Variants in VWC2 observed in about 807,000 individuals in gnomAD.
VWC2 encodes brorin.
A neutral mutation model predicts 29.8 loss-of-function variants in VWC2; 14 were observed. That is an observed-to-expected ratio of 0.47 (90% confidence interval 0.31 to 0.74). VWC2 has a LOEUF of 0.74. Among genes scored for constraint, VWC2 ranks in the 30% least tolerant of loss-of-function variants. The pLI, the probability that VWC2 is intolerant of heterozygous loss-of-function variation, is 0.05. For synonymous variants in VWC2, 213 were observed against 199.0 expected, an observed-to-expected ratio of 1.07 and a Z score of -0.59; for missense variants, 457 against 459.8, an observed-to-expected ratio of 0.99 and a Z score of 0.05.
At chr7:49,805,202 G>A (rs1455880101) in intron 3 of VWC2, among the ~76,000 whole-genome samples, 1 of 152,140 alleles carries the variant, frequency 6.6e-6, no homozygotes, top group African/African-American at 2.4e-5. Context: ...TTGGGAGATG[G>A]TTGTTGTCCT....
intron 3 of VWC2, among the ~76,000 whole-genome samples, chr7:49,808,118 GA>G (rs1407767560): frequency 6.6e-6 from 1 of 151,840 alleles, no homozygotes; most frequent in Non-Finnish European, 1.5e-5. Flanking sequence ...TAAAAAAATA[GA>G]AAAAAAGAAC....
rs1483390887 is a variant in VWC2 at position 49,914,167 on chromosome 7, G to A, written c.*1982G>A. On this transcript the variant is annotated 3_prime_UTR_variant, in exon 4 of 4. Coordinates refer to ENST00000340652, the MANE Select transcript of VWC2 (RefSeq NM_198570.5). The stretch of plus-strand genomic sequence containing the variant: ...AAATGGCCCTAGCCCCCATGGGTAG[G>A]TGGGCCATTAGTAACCTCTTCTCTC... 1 of 152,200 alleles carries A rather than the reference G, an allele frequency of 6.6e-6. No individual in the cohort carries two copies. The highest frequency in any genetic ancestry group is 2.4e-5 in the African/African-American group (1 of 41,464). 9.4% of individuals were successfully genotyped at this position (152,200 alleles called of 1,614,324 possible).
In VWC2 at chr7:49,783,403, G is replaced by C. The variant is rs554718239; in HGVS notation, c.696+7272G>C. 1.2e-3 allele frequency among the ~76,000 whole-genome samples: 184 copies of C among 152,194 alleles called. 1 individual carries two copies. Among genetic ancestry groups the C allele is most frequent in the African/African-American group, 3.9e-3 (164 of 41,534 alleles). ...TGATGGCTTGTTTTTAAATGACAGA[G>C]GAATCCTGGGCCAGATGTTCTAGGG... On this transcript the variant is annotated intron_variant, in intron 2 of 3. Transcript: ENST00000340652.
chr7:49,790,999 G>C (rs769608), intron 2 of VWC2, among the ~76,000 whole-genome samples: 68,738 of 151,682 alleles, frequency 0.45, 16,136 homozygotes, highest in East Asian at 0.82. Flanking sequence ...TTCTATCACT[G>C]GCCCTGTGGT....
At chr7:49,890,655 T>A (rs114234745) in intron 3 of VWC2, among the ~76,000 whole-genome samples, 1 of 151,958 alleles carries the variant, frequency 6.6e-6, no homozygotes, top group African/African-American at 2.4e-5. Flanking sequence ...TGGAACAGGG[T>A]GCATGAGAGT....
chr7:49,825,103 A>G (rs908761524), intron 3 of VWC2, among the ~76,000 whole-genome samples: 16 of 152,126 alleles, frequency 1.1e-4, no homozygotes, highest in South Asian at 4.1e-4. Flanking sequence ...CAAGTTGATT[A>G]ATTCTGTCTT....
At chr7:49,867,933 A>T (rs1375924260) in intron 3 of VWC2, among the ~76,000 whole-genome samples, 1 of 151,738 alleles carries the variant, frequency 6.6e-6, no homozygotes, top group Non-Finnish European at 1.5e-5. Flanking sequence ...TCCCAAGTTC[A>T]AGCAATTCTC....
At chr7:49,798,040 G>C (rs190063800) in intron 2 of VWC2, among the ~76,000 whole-genome samples, 1 of 152,354 alleles carries the variant, frequency 6.6e-6, no homozygotes, top group African/African-American at 2.4e-5. Flanking sequence ...GAGGAGAAAA[G>C]TTTGTGTCAT....
intron 3 of VWC2, among the ~76,000 whole-genome samples, chr7:49,902,511 GT>G: frequency 7.0e-6 from 1 of 142,898 alleles, no homozygotes; most frequent in Non-Finnish European, 1.5e-5. Context: ...TTGTTTGCTT[GT>G]TTTTTTAACA....
chr7:49,827,715 A>G (rs1789436731), intron 3 of VWC2, among the ~76,000 whole-genome samples: 1 of 152,066 alleles, frequency 6.6e-6, no homozygotes, highest in Admixed American at 6.5e-5. Context: ...CCTCTTAATA[A>G]TGGCCTGTTT....
rs1226731845 is a variant in VWC2, at chr7:49,913,468, G to A, written c.*1283G>A. ...TCTTAATAGGTGTAGGATAAAAAAA[G>A]CAAAACTATAATCACTATTAATGTC... is the stretch of plus-strand genomic sequence containing the variant. On this transcript the variant is annotated 3_prime_UTR_variant, in exon 4 of 4. Coordinates refer to ENST00000340652, the MANE Select transcript of VWC2 (RefSeq NM_198570.5). 6.6e-6 allele frequency: 1 copy of A among 152,104 alleles called. No individual in the cohort carries two copies. Among genetic ancestry groups the A allele is most frequent in the East Asian group, 1.9e-4 (1 of 5,194 alleles). 9.4% of individuals were successfully genotyped at this position (152,104 alleles called of 1,614,324 possible).
chr7:49,811,363 G>C (rs1047565523), intron 3 of VWC2, among the ~76,000 whole-genome samples: 4 of 152,138 alleles, frequency 2.6e-5, no homozygotes, highest in Admixed American at 2.0e-4. Context: ...TGAATCCTAG[G>C]GGTTGATGCT....
At position 49,813,467 on chromosome 7, in the gene VWC2, G is replaced by A. The variant is rs940833744; in HGVS notation, c.826+10627G>A. Among the ~76,000 whole-genome samples the A allele has an allele frequency of 2.6e-5, 4 of 152,316 alleles. No individual in the cohort carries two copies. In the East Asian group the frequency reaches 7.7e-4, roughly 29 times the overall value. On this transcript the variant is annotated intron_variant, in intron 3 of 3. Transcript: ENST00000340652. ...CTGTTGCTGCTGGTCTTCTGTTGCT[G>A]TGTGCTTCTGCTGCTGCTTTGAGAG...
Position 49,909,423 on chromosome 7 carries a change from T to C in VWC2, c.827-2611T>C, listed in dbSNP as rs539466413. 2.1e-4 allele frequency among the ~76,000 whole-genome samples: 32 copies of C among 152,308 alleles called. 1 individual carries two copies. In the South Asian group the frequency reaches 5.8e-3, roughly 28 times the overall value. Reference sequence around the variant, plus strand: ...CATCCGAATGGTCACTGTGGCACTGTTGGCCTTATGGACTAAGGAAAATGC... The same window carrying C: ...CATCCGAATGGTCACTGTGGCACTGCTGGCCTTATGGACTAAGGAAAATGC... On this transcript the variant is annotated intron_variant, in intron 3 of 3. Transcript: ENST00000340652.
chr7:49,809,103 G>C (rs1157962977), intron 3 of VWC2, among the ~76,000 whole-genome samples: 2 of 151,840 alleles, frequency 1.3e-5, no homozygotes, highest in Non-Finnish European at 2.9e-5. Context: ...TTTGAAAGCT[G>C]GTTCTTAACA....
Position 49,819,101 on chromosome 7 carries a change from G to A in VWC2, c.826+16261G>A, listed in dbSNP as rs564225622. ...CACCTTGGCATCCAACAGCTTCCTC[G>A]CTGGTCTGCAGTTCCCTCTGCCATG... is the stretch of plus-strand genomic sequence containing the variant. On this transcript the variant is annotated intron_variant, in intron 3 of 3. Transcript: ENST00000340652. Among the ~76,000 whole-genome samples, 26 of 152,218 alleles carry A rather than the reference G, an allele frequency of 1.7e-4. 1 individual carries two copies. In the South Asian group the frequency reaches 3.3e-3, roughly 19 times the overall value.
chr7:49,786,615 C>G (rs1788303976), intron 2 of VWC2, among the ~76,000 whole-genome samples: 1 of 152,148 alleles, frequency 6.6e-6, no homozygotes, highest in Admixed American at 6.5e-5. Context: ...TATTAGTGCT[C>G]CCTTTTCTCT....
chr7:49,906,941 T>A (rs915986398), intron 3 of VWC2, among the ~76,000 whole-genome samples: 2 of 152,076 alleles, frequency 1.3e-5, no homozygotes, highest in Non-Finnish European at 2.9e-5. Flanking sequence ...TAAAAAAAAA[T>A]GTGCTAAGCA....
At chr7:49,891,670 T>C (rs1350241621) in intron 3 of VWC2, among the ~76,000 whole-genome samples, 1 of 152,230 alleles carries the variant, frequency 6.6e-6, no homozygotes, top group Non-Finnish European at 1.5e-5. Context: ...AGTTCTTATA[T>C]ACTGATTCTG....
Sources: gnomAD v4.1 joint callset for allele counts (sites outside exome capture counted in the v4.1 genomes callset) on GRCh38, gnomAD v4.1.1 for gene constraint, MANE v1.5 for transcripts, NCBI Gene and HGNC (gene_info 2026-07-23, HGNC 2026-07-21) for gene names.